Variants in ASIC5 observed in about 807,000 individuals in gnomAD.
ASIC5 encodes acid sensing ion channel subunit family member 5.
Under a neutral mutation model 51.2 loss-of-function variants are expected in ASIC5, and 52 were observed. The observed-to-expected ratio is 1.02, with a 90% CI of 0.81 to 1.28. ASIC5 has a LOEUF of 1.28. Ranked by LOEUF, ASIC5 falls within the 50% of genes most tolerant of loss-of-function variation. The pLI is 0.00. For missense variants in ASIC5, 635 were observed against 595.0 expected, an observed-to-expected ratio of 1.07 and a Z score of -0.70; for synonymous variants, 231 against 200.7, an observed-to-expected ratio of 1.15 and a Z score of -1.28.
In ASIC5 at chr4:155,840,419, AT is replaced by A. The variant is rs1252200202; in HGVS notation, c.1010-1551del. ...AATTTATATCTTTTTTACTTTTATT[AT>A]TTTTTATATTATATATAATATAATA... On this transcript the variant is annotated intron_variant, in intron 6 of 9. Coordinates refer to ENST00000537611, the MANE Select transcript of ASIC5 (RefSeq NM_017419.3). 1.0e-4 allele frequency among the ~76,000 whole-genome samples: 15 copies of A among 146,742 alleles called. No individual in the cohort carries two copies. In the South Asian group the frequency reaches 2.1e-3, roughly 21 times the overall value.
intron 2 of ASIC5, among the ~76,000 whole-genome samples, chr4:155,855,502 A>T (rs1438258056): frequency 6.6e-6 from 1 of 151,904 alleles, no homozygotes; most frequent in African/African-American, 2.4e-5. Flanking sequence ...CATGATGAGG[A>T]CTTTCATATT....
intron 5 of ASIC5, 54 bp from the exon 6 acceptor site, chr4:155,842,408 A>C (rs1227188580): frequency 6.9e-7 from 1 of 1,455,042 alleles, no homozygotes; most frequent in Non-Finnish European, 9.3e-7. Context: ...CAATTCACTT[A>C]TTTTCCATCA....
chr4:155,852,435 AGAGAATAGT>A, intron 3 of ASIC5, 119 bp from the exon 4 acceptor site: 1 of 832,886 alleles, frequency 1.2e-6, no homozygotes, highest in Non-Finnish European at 1.8e-6. Flanking sequence ...GAAATATCAG[AGAGAATAGT>A]CTGATTTATA....
At chr4:155,845,854 A>G (rs1264459046) in intron 4 of ASIC5, among the ~76,000 whole-genome samples, 1 of 152,066 alleles carries the variant, frequency 6.6e-6, no homozygotes, top group Non-Finnish European at 1.5e-5. Context: ...ATAATAAGCA[A>G]ATTTAAGGCT....
intron 4 of ASIC5, among the ~76,000 whole-genome samples, chr4:155,849,723 TC>T (rs1741337381): frequency 6.6e-6 from 1 of 152,134 alleles, no homozygotes; most frequent in East Asian, 1.9e-4. Flanking sequence ...TTCTTTTTTT[TC>T]CCCCATATTT....
chr4:155,857,664 A>G (rs1233799334), intron 2 of ASIC5, among the ~76,000 whole-genome samples: 1 of 152,132 alleles, frequency 6.6e-6, no homozygotes, highest in African/African-American at 2.4e-5. Flanking sequence ...TATGACCCAA[A>G]TGAGTAAGTT....
At chr4:155,865,651 A>G (rs948513254) in intron 1 of ASIC5, among the ~76,000 whole-genome samples, 1 of 148,342 alleles carries the variant, frequency 6.7e-6, no homozygotes, top group African/African-American at 2.5e-5. Context: ...TTTCTGGAGT[A>G]ATACCAACTA....
chr4:155,844,816 A>G (rs1254295151), intron 4 of ASIC5, among the ~76,000 whole-genome samples: 1 of 152,000 alleles, frequency 6.6e-6, no homozygotes, highest in African/African-American at 2.4e-5. Context: ...GGCTCTAAAT[A>G]AGTATCCCCC....
At position 155,863,520 on chromosome 4, in the gene ASIC5, G is replaced by T. The variant is rs1579302984; in HGVS notation, c.275C>A (p.Thr92Asn). ...ATATTGAACCTCAATGGACGTTGTG[G>T]TTGGCCATGTGAAGTAGTTGAGCAA... is the stretch of plus-strand genomic sequence containing the variant. ...IRLLNYFTWP[T>N]TTSIEVQYVE... Residue 92 changes from threonine to asparagine, a missense_variant, in exon 2 of 10, where the codon ACC (threonine) becomes AAC (asparagine). Transcript: ENST00000537611. 1.9e-6 allele frequency: 3 copies of T among 1,613,722 alleles called. No homozygotes were observed. Among genetic ancestry groups the T allele is most frequent in the Non-Finnish European group, 2.5e-6 (3 of 1,179,844 alleles).
chr4:155,830,892 G>T (rs1008840018), intron 9 of ASIC5, among the ~76,000 whole-genome samples: 1 of 152,084 alleles, frequency 6.6e-6, no homozygotes, highest in Non-Finnish European at 1.5e-5. Flanking sequence ...GGACCATTCC[G>T]TTTTTGTAAA....
chr4:155,844,174 C>T (rs77300271), intron 4 of ASIC5, among the ~76,000 whole-genome samples: 2,492 of 152,158 alleles, frequency 0.016, 59 homozygotes, highest in African/African-American at 0.056. Flanking sequence ...CCTATCAGTG[C>T]TTGGTACCAG....
intron 1 of ASIC5, chr4:155,865,032 A>G (rs1042831367): frequency 6.6e-6 from 1 of 152,120 alleles, no homozygotes; most frequent in East Asian, 1.9e-4. Context: ...TTAATACAAC[A>G]TAAATAACCA....
chr4:155,830,031 T>A lies in ASIC5; in HGVS notation c.1343A>T (p.Gln448Leu), dbSNP rs1206640451. Residue 448 changes from glutamine to leucine, a missense_variant, in exon 10 of 10, where the codon CAG becomes CTG. Transcript: ENST00000537611. ...VSELLADLGG[Q>L]LGLFCGASLI... ...ACTGGCCCCACAAAATAGACCCAGC[T>A]GACCACCAAGATCTGCTGTAATAAA... 6.4e-7 allele frequency: 1 copy of A among 1,554,594 alleles called. No individual in the cohort carries two copies. The highest frequency in any genetic ancestry group is 8.7e-7 in the Non-Finnish European group (1 of 1,152,944).
In ASIC5 at chr4:155,829,912, ACTGGG is replaced by A. The variant is rs1205677839; in HGVS notation, c.1457_1461del (p.Thr486MetfsTer12). On this transcript the variant is annotated frameshift_variant, in exon 10 of 10. Transcript: ENST00000537611. LOFTEE classifies it low-confidence loss of function (END_TRUNC). ...AGATGATTCTGAGGTGGAGGAGTCC[ACTGGG>A]TCATTTCAGATATCTTCAGCAAAAA... 1 of 1,607,136 alleles carries A rather than the reference ACTGGG, an allele frequency of 6.2e-7. No homozygotes were observed. Among genetic ancestry groups the A allele is most frequent in the Admixed American group, 1.7e-5 (1 of 59,060 alleles).
chr4:155,862,775 G>T (rs1278526874), intron 2 of ASIC5, among the ~76,000 whole-genome samples: 1 of 152,124 alleles, frequency 6.6e-6, no homozygotes, highest in African/African-American at 2.4e-5. Context: ...ACATTAAGTA[G>T]CTCATCATAT....
intron 2 of ASIC5, among the ~76,000 whole-genome samples, chr4:155,859,469 C>T (rs1229368508): frequency 6.6e-6 from 1 of 151,898 alleles, no homozygotes; most frequent in Non-Finnish European, 1.5e-5. Flanking sequence ...AAAGTAAACC[C>T]TTTCTTATAA....
chr4:155,862,713 C>A (rs1294536826), intron 2 of ASIC5, among the ~76,000 whole-genome samples: 1 of 152,118 alleles, frequency 6.6e-6, no homozygotes, highest in Non-Finnish European at 1.5e-5. Context: ...AAGCTCAGGG[C>A]TCTTTGCAGC....
In ASIC5 at chr4:155,854,109, A is replaced by C; in HGVS notation, c.553T>G (p.Cys185Gly). The C allele has an allele frequency of 6.2e-7, 1 of 1,612,860 alleles. No homozygotes were observed. Among genetic ancestry groups the C allele is most frequent in the East Asian group, 2.2e-5 (1 of 44,816 alleles). ...CTACATGGCTTTCCAAAAAACTCAC[A>C]GTCCAACAAAGTGCTATTGTTGAGA... ...FYLNNSTLLD[C>G]EFFGKPCSPK... The change falls in exon 3 of 10, where the codon TGT becomes GGT. Residue 185 changes from cysteine to glycine, a missense_variant. By Grantham distance (159) the Cys-to-Gly change is radical. Coordinates refer to ENST00000537611, the MANE Select transcript of ASIC5 (RefSeq NM_017419.3).
rs1311169199 is a variant in ASIC5, at chr4:155,852,196, T to C, written c.706A>G (p.Asn236Asp). Residue 236 changes from asparagine to aspartate, a missense_variant, in exon 4 of 10, where the codon AAT (asparagine) becomes GAT (aspartate). By Grantham distance (23) the Asn-to-Asp change is conservative (BLOSUM62 1). Transcript: ENST00000537611. ...GRGLSLLFNV[N>D]QEAFTDNPAL... is the part of the protein sequence containing the mutation. Reference sequence around the variant, plus strand: ...ACCTGGAGAAAATTCAGTACCTGATTCACATTGAAGAGTAAGCTCAAACCT... The same window carrying C: ...ACCTGGAGAAAATTCAGTACCTGATCCACATTGAAGAGTAAGCTCAAACCT... 1.2e-6 allele frequency: 2 copies of C among 1,612,064 alleles called. No homozygotes were observed. Among genetic ancestry groups the C allele is most frequent in the East Asian group, 4.5e-5 (2 of 44,752 alleles).
Sources: gnomAD v4.1 joint callset for allele counts (sites outside exome capture counted in the v4.1 genomes callset) on GRCh38, gnomAD v4.1.1 for gene constraint, MANE v1.5 for transcripts, NCBI Gene and HGNC (gene_info 2026-07-23, HGNC 2026-07-21) for gene names.